The following AGPAT4 variants were observed in gnomAD, a reference collection of about 807,000 sequenced individuals.
AGPAT4 encodes the protein 1-acyl-sn-glycerol-3-phosphate acyltransferase delta.
In AGPAT4, 15 loss-of-function variants were observed where a neutral mutation model predicts 48.0. The observed-to-expected ratio is 0.31, with a 90% CI of 0.21 to 0.48. The LOEUF is 0.48. AGPAT4 is among the 20% of genes least tolerant of loss of function. The pLI, the probability that AGPAT4 is intolerant of heterozygous loss-of-function variation, is 0.99. For synonymous variants in AGPAT4, 178 were observed against 198.7 expected (o/e 0.90, Z 0.88); for missense variants, 314 against 482.5 (o/e 0.65, Z 3.27).
intron 2 of AGPAT4, among the ~76,000 whole-genome samples, chr6:161,203,764 G>C (rs7767737): frequency 0.11 from 16,769 of 152,062 alleles, 1,160 homozygotes; most frequent in African/African-American, 0.2. Context: ...TGGAATTTAT[G>C]AGACCCCACT....
intron 1 of AGPAT4, among the ~76,000 whole-genome samples, chr6:161,273,626 G>C (rs1422354143): frequency 6.6e-6 from 1 of 152,148 alleles, no homozygotes; most frequent in Non-Finnish European, 1.5e-5. Flanking sequence ...GCCCCGGGAG[G>C]GGGCTGGGTG....
At chr6:161,268,938 A>G (rs1783345814) in intron 1 of AGPAT4, among the ~76,000 whole-genome samples, 1 of 152,206 alleles carries the variant, frequency 6.6e-6, no homozygotes, top group Non-Finnish European at 1.5e-5. Flanking sequence ...TTCTGGATGC[A>G]CTGCTGTTAC....
rs1693361342 is a variant in AGPAT4, at chr6:161,272,442, T to C, written c.-90+1496A>G. ...TGCCCATCAGAAGAATGGTATCCCT[T>C]ATCAAACGCTTCCTTAGACGTACTG... is the stretch of plus-strand genomic sequence containing the variant. On this transcript the variant is annotated intron_variant, in intron 1 of 8. Coordinates refer to ENST00000320285, the MANE Select transcript of AGPAT4 (RefSeq NM_020133.3). This position sits in a 1 kb window ranked among gnomAD's most constrained non-coding sequence, Gnocchi z 4.2. Among the ~76,000 whole-genome samples the C allele has an allele frequency of 6.6e-6, 1 of 152,212 alleles. No individual in the cohort carries two copies. Among genetic ancestry groups the C allele is most frequent in the Admixed American group, 6.5e-5 (1 of 15,274 alleles).
At chr6:161,250,848 A>T (rs1158812147) in intron 1 of AGPAT4, among the ~76,000 whole-genome samples, 1 of 152,222 alleles carries the variant, frequency 6.6e-6, no homozygotes, top group Non-Finnish European at 1.5e-5. Flanking sequence ...CTTACATTAA[A>T]CTGCATTTCT....
intron 1 of AGPAT4, among the ~76,000 whole-genome samples, chr6:161,250,231 A>G (rs553058050): frequency 1.3e-5 from 2 of 152,310 alleles, no homozygotes; most frequent in East Asian, 3.9e-4. Flanking sequence ...CAGGAAAAAT[A>G]ACTAAGAGGT....
At position 161,148,198 on chromosome 6, in the gene AGPAT4, G is replaced by A. The variant is rs534437981; in HGVS notation, c.767+989C>T. On this transcript the variant is annotated intron_variant, in intron 6 of 8. Coordinates refer to ENST00000320285, the MANE Select transcript of AGPAT4 (RefSeq NM_020133.3). The surrounding 1 kb of genome is among the most constrained non-coding windows in gnomAD (Gnocchi z 5.5). Reference sequence around the variant, plus strand: ...AGGTCTAAAGGTCTCCTTCGGGCAGGTGGGTGATTCTCCTGCCTTCATATG... The same window carrying A: ...AGGTCTAAAGGTCTCCTTCGGGCAGATGGGTGATTCTCCTGCCTTCATATG... Among the ~76,000 whole-genome samples the A allele has an allele frequency of 2.0e-5, 3 of 152,346 alleles. No homozygotes were observed. The highest frequency in any genetic ancestry group is 2.1e-4 in the South Asian group (1 of 4,824).
intron 3 of AGPAT4, among the ~76,000 whole-genome samples, chr6:161,162,204 T>C (rs567784726): frequency 3.2e-4 from 49 of 152,338 alleles, no homozygotes; most frequent in African/African-American, 1.1e-3. Context: ...CATGTCACCG[T>C]GGGGTGGGCA....
chr6:161,273,749 C>T (rs1376096307), intron 1 of AGPAT4, among the ~76,000 whole-genome samples, 189 bp downstream of exon 1: 1 of 151,848 alleles, frequency 6.6e-6, no homozygotes, highest in Non-Finnish European at 1.5e-5. Flanking sequence ...CTCTCTTCGC[C>T]TCCCTCCAGG....
chr6:161,182,343 A>G (rs1780623905), intron 2 of AGPAT4, among the ~76,000 whole-genome samples: 1 of 123,996 alleles, frequency 8.1e-6, no homozygotes, highest in Non-Finnish European at 1.7e-5. Flanking sequence ...CTCTCATCCT[A>G]TCCCCTCACC....
chr6:161,234,920 T>C lies in AGPAT4; in HGVS notation c.-89-2618A>G, dbSNP rs1219334447. Among the ~76,000 whole-genome samples the C allele has an allele frequency of 6.6e-6, 1 of 152,002 alleles. No homozygotes were observed. The highest frequency in any genetic ancestry group is 1.5e-5 in the Non-Finnish European group (1 of 68,018). Reference sequence around the variant, plus strand: ...TTCAAGGTAAATTGAAATTTTACCGTGCGTAAAACCCTCACTAGCAATGCA... The same window carrying C: ...TTCAAGGTAAATTGAAATTTTACCGCGCGTAAAACCCTCACTAGCAATGCA... On this transcript the variant is annotated intron_variant, in intron 1 of 8. Transcript: ENST00000320285. This position sits in a 1 kb window ranked among gnomAD's most constrained non-coding sequence, Gnocchi z 4.4.
In AGPAT4 at chr6:161,149,192, A is replaced by C. The variant is rs1021777488; in HGVS notation, c.762T>G (p.Tyr254Ter). The C allele has an allele frequency of 6.2e-7, 1 of 1,611,860 alleles. No homozygotes were observed. Among genetic ancestry groups the C allele is most frequent in the African/African-American group, 1.3e-5 (1 of 74,824 alleles). Residue 254 changes from tyrosine to a stop codon, truncating the protein, a stop_gained, in exon 6 of 9, where the codon TAT (tyrosine) becomes TAG (stop). Coordinates refer to ENST00000320285, the MANE Select transcript of AGPAT4 (RefSeq NM_020133.3). LOFTEE classifies it high-confidence loss of function. This position sits in a 1 kb window ranked among gnomAD's most constrained non-coding sequence, Gnocchi z 6.5. ...LNGKKYHADLYVRRIPLEDIP... is the reference protein window; with the variant it reads ...LNGKKYHADL ...AAGGAAACAGTTCGACTTACCTAACATACAAATCTGCATGGTATTTCTTTC... is the reference window on the plus strand; with the variant it reads ...AAGGAAACAGTTCGACTTACCTAACCTACAAATCTGCATGGTATTTCTTTC...
In AGPAT4 at chr6:161,246,398, A is replaced by G. The variant is rs186669040; in HGVS notation, c.-89-14096T>C. On this transcript the variant is annotated intron_variant, in intron 1 of 8. Coordinates refer to ENST00000320285, the MANE Select transcript of AGPAT4 (RefSeq NM_020133.3). This position sits in a 1 kb window ranked among gnomAD's most constrained non-coding sequence, Gnocchi z 5.5. ...CTAACATTGCATTAGACTTCTGAGC[A>G]TAGGCACAGGGGATTCTTTTTTTTT... 6.6e-6 allele frequency among the ~76,000 whole-genome samples: 1 copy of G among 151,418 alleles called. No homozygotes were observed. The highest frequency in any genetic ancestry group is 1.5e-5 in the Non-Finnish European group (1 of 68,004).
In AGPAT4 at chr6:161,245,721, AGTT is replaced by A. The variant is rs1369736921; in HGVS notation, c.-89-13422_-89-13420del. Among the ~76,000 whole-genome samples, 1 of 152,026 alleles carries A rather than the reference AGTT, an allele frequency of 6.6e-6. No homozygotes were observed. Among genetic ancestry groups the A allele is most frequent in the Non-Finnish European group, 1.5e-5 (1 of 68,006 alleles). On this transcript the variant is annotated intron_variant, in intron 1 of 8. Transcript: ENST00000320285. This position sits in a 1 kb window ranked among gnomAD's most constrained non-coding sequence, Gnocchi z 5.2. ...GTCCGTGAAGTGCCCTCAATCCTTG[AGTT>A]CTTGGAGATCCTGTCATTGCCAATC...
intron 2 of AGPAT4, among the ~76,000 whole-genome samples, chr6:161,230,352 T>C (rs1782092120): frequency 6.6e-6 from 1 of 152,202 alleles, no homozygotes; most frequent in African/African-American, 2.4e-5. Context: ...ACTAACAGAT[T>C]TTGGAATCTC....
intron 3 of AGPAT4, chr6:161,160,570 C>G (rs905469312): frequency 5.5e-6 from 1 of 181,564 alleles, no homozygotes; most frequent in Non-Finnish European, 1.2e-5. Context: ...CTCTGTTTAC[C>G]AGGCCCCAAA....
Position 161,158,502 on chromosome 6 carries a change from G to C in AGPAT4, c.349-4192C>G, listed in dbSNP as rs1053731239. Among the ~76,000 whole-genome samples the C allele has an allele frequency of 6.6e-6, 1 of 152,222 alleles. No individual in the cohort carries two copies. Among genetic ancestry groups the C allele is most frequent in the Non-Finnish European group, 1.5e-5 (1 of 68,042 alleles). On this transcript the variant is annotated intron_variant, in intron 3 of 8. Coordinates refer to ENST00000320285, the MANE Select transcript of AGPAT4 (RefSeq NM_020133.3). The surrounding 1 kb of genome is among the most constrained non-coding windows in gnomAD (Gnocchi z 5.3). ...CACTATGGAGAGAGAGAGTGAAAGA[G>C]AGAGTTGTCTTAGGGCAGGTGCTTG...
At position 161,214,254 on chromosome 6, in the gene AGPAT4, G is replaced by C. The variant is rs1446744340; in HGVS notation, c.178+17782C>G. Among the ~76,000 whole-genome samples, 5 of 152,162 alleles carry C rather than the reference G, an allele frequency of 3.3e-5. No individual in the cohort carries two copies. The highest frequency in any genetic ancestry group is 5.9e-5 in the Non-Finnish European group (4 of 68,038). On this transcript the variant is annotated intron_variant, in intron 2 of 8. Transcript: ENST00000320285. The surrounding 1 kb of genome is among the most constrained non-coding windows in gnomAD (Gnocchi z 5.4). ...TCTCTAAAATGTATAAAACCAAGCTGTGCTTTGACCACCTGGGCACATGTT... is the reference window on the plus strand; with the variant it reads ...TCTCTAAAATGTATAAAACCAAGCTCTGCTTTGACCACCTGGGCACATGTT...
rs975390067 is a variant in AGPAT4, at chr6:161,226,904, C to T, written c.178+5132G>A. Reference sequence around the variant, plus strand: ...CTGAGGCCATCAGAATGACAGCTGACCTCCCTCGGGGGAGCTCCTAGGCAA... The same window carrying T: ...CTGAGGCCATCAGAATGACAGCTGATCTCCCTCGGGGGAGCTCCTAGGCAA... On this transcript the variant is annotated intron_variant, in intron 2 of 8. Transcript: ENST00000320285. The surrounding 1 kb of genome is among the most constrained non-coding windows in gnomAD (Gnocchi z 6.3). Among the ~76,000 whole-genome samples, 1 of 152,128 alleles carries T rather than the reference C, an allele frequency of 6.6e-6. No individual in the cohort carries two copies. Among genetic ancestry groups the T allele is most frequent in the African/African-American group, 2.4e-5 (1 of 41,412 alleles).
Position 161,246,728 on chromosome 6 carries a change from A to G in AGPAT4, c.-89-14426T>C, listed in dbSNP as rs2115048847. On this transcript the variant is annotated intron_variant, in intron 1 of 8. Coordinates refer to ENST00000320285, the MANE Select transcript of AGPAT4 (RefSeq NM_020133.3). This position sits in a 1 kb window ranked among gnomAD's most constrained non-coding sequence, Gnocchi z 5.5. Reference sequence around the variant, plus strand: ...TAAGTGGTAAGTACCATGCCCAATAAACTAAAGCACTTACTGAGTAATATA... The same window carrying G: ...TAAGTGGTAAGTACCATGCCCAATAGACTAAAGCACTTACTGAGTAATATA... Among the ~76,000 whole-genome samples, 1 of 152,218 alleles carries G rather than the reference A, an allele frequency of 6.6e-6. No homozygotes were observed. The highest frequency in any genetic ancestry group is 2.1e-4 in the South Asian group (1 of 4,820).
Sources: gnomAD v4.1 joint callset for allele counts (sites outside exome capture counted in the v4.1 genomes callset) on GRCh38, gnomAD v4.1.1 for gene constraint, Gnocchi (gnomAD v3.1) non-coding constraint, MANE v1.5 for transcripts, NCBI Gene and HGNC (gene_info 2026-07-23, HGNC 2026-07-21) for gene names.